CTC1: variants seen among roughly 807,000 people sequenced by gnomAD.
The protein encoded by CTC1 is CST complex subunit CTC1.
Under a neutral mutation model 136.3 loss-of-function variants are expected in CTC1, and 91 were observed. That is an observed-to-expected ratio of 0.67 (90% CI 0.56 to 0.79). The LOEUF (loss-of-function observed/expected upper bound fraction) is 0.79, where lower values mean the gene tolerates loss of function less well. CTC1 is among the 30% of genes least tolerant of loss of function. The pLI, the probability that CTC1 is intolerant of heterozygous loss-of-function variation, is 0.00. For synonymous variants in CTC1, 606 were observed against 613.8 expected (o/e 0.99, Z 0.19); for missense variants, 1,432 against 1,498.1 (o/e 0.96, Z 0.73).
chr17:8,235,780 T>A (rs1352690508), intron 7 of CTC1, 51 bp downstream of exon 7: 2 of 1,536,016 alleles, frequency 1.3e-6, no homozygotes, highest in Admixed American at 4.2e-5. Context: ...CCTATGAAGG[T>A]AAGAGAAGCT....
In CTC1 at chr17:8,235,897, C is replaced by A. The variant is rs201392995; in HGVS notation, c.1140G>T (p.Gly380=). 5.3e-5 allele frequency: 86 copies of A among 1,613,790 alleles called. No individual in the cohort carries two copies. In the African/African-American group the frequency reaches 1.0e-3, roughly 19 times the overall value. ...GGAACTGCTGGTAGGCAAGGCAGAG[C>A]CCCAGCTGCCCATCCAGCTCATAGA... is the stretch of plus-strand genomic sequence containing the variant. The part of the protein sequence containing the change: ...AGLYELDGQL[G]LCLAYQQFRG... Residue 380 remains glycine, a synonymous_variant, in exon 7 of 23, where the codon GGG becomes GGT. Transcript: ENST00000651323.
intron 15 of CTC1, 35 bp from the exon 16 acceptor site, chr17:8,230,686 C>T: frequency 1.9e-6 from 3 of 1,547,612 alleles, no homozygotes; most frequent in Non-Finnish European, 2.7e-6. Context: ...AGAATGGAGG[C>T]ACAAGAAAGC....
At position 8,237,391 on chromosome 17, in the gene CTC1, A is replaced by G. The variant is rs1353037102; in HGVS notation, c.776T>C (p.Val259Ala). ...AGTCCTCACCTGCACGATGATGGAC[A>G]CGTGGGTGACAGCTGGGTGTGATCT... ...LGRSHPAVTH[V>A]SIIVQVPAQL... Residue 259 changes from valine (V) to alanine (A), a missense_variant, in exon 5 of 23, where the codon GTG becomes GCG. By Grantham distance (64) the Val-to-Ala change is moderately conservative (BLOSUM62 0). Coordinates refer to ENST00000651323, the MANE Select transcript of CTC1 (RefSeq NM_025099.6). 1.9e-6 allele frequency: 3 copies of G among 1,614,130 alleles called. No individual in the cohort carries two copies. The highest frequency in any genetic ancestry group is 3.3e-5 in the Admixed American group (2 of 60,002).
At chr17:8,229,007 C>A (rs1986975722) in intron 20 of CTC1, 115 bp from the exon 21 acceptor site, 2 of 1,476,424 alleles carry the variant, frequency 1.4e-6, no homozygotes, top group Non-Finnish European at 1.9e-6. Flanking sequence ...GATTTAGGAG[C>A]TTACCCTCAT....
At chr17:8,229,486 A>G in intron 18 of CTC1, 40 bp from the exon 19 acceptor site, 1 of 1,584,766 alleles carries the variant, frequency 6.3e-7, no homozygotes, top group Admixed American at 1.7e-5. Context: ...GGTCAAGATA[A>G]CAGAACAGGC....
In CTC1 at chr17:8,232,479, G is replaced by A. The variant is rs1987329665; in HGVS notation, c.1946-4C>T. 4 of 1,611,512 alleles carry A rather than the reference G, an allele frequency of 2.5e-6. No homozygotes were observed. The highest frequency in any genetic ancestry group is 2.5e-6 in the Non-Finnish European group (3 of 1,178,564). The stretch of plus-strand genomic sequence containing the variant: ...CTCTCTGCCCGCACCAGGCAGCCTA[G>A]AGGAAGAAAGTTTTCTGTTTTGACA... On this transcript the variant is annotated splice_polypyrimidine_tract_variant and splice_region_variant and intron_variant, in intron 11 of 22. Coordinates refer to ENST00000651323, the MANE Select transcript of CTC1 (RefSeq NM_025099.6).
chr17:8,226,441 G>A lies in CTC1; in HGVS notation c.*1739C>T, dbSNP rs1986676415. ...TCTTGCATCACTTGTCCATTCCTCG[G>A]ATTTCCTTCAATGTCCAAAGACGTT... is the stretch of plus-strand genomic sequence containing the variant. On this transcript the variant is annotated 3_prime_UTR_variant, in exon 23 of 23. Coordinates refer to ENST00000651323, the MANE Select transcript of CTC1 (RefSeq NM_025099.6). 1 of 152,108 alleles carries A rather than the reference G, an allele frequency of 6.6e-6. No individual in the cohort carries two copies. Among genetic ancestry groups the A allele is most frequent in the Non-Finnish European group, 1.5e-5 (1 of 68,030 alleles). The allele number at this position is 152,108 out of a possible 1,614,324, so 9.4% of individuals were successfully genotyped here. A position where few individuals can be genotyped will look rare whatever the true frequency, so the allele number is the denominator to read the frequency against.
chr17:8,247,933 G>T, intron 1 of CTC1, 71 bp downstream of exon 1: 1 of 1,508,596 alleles, frequency 6.6e-7, no homozygotes, highest in Non-Finnish European at 9.1e-7. Context: ...CAAGGCAGAG[G>T]AAATAGGAAG....
intron 2 of CTC1, among the ~76,000 whole-genome samples, chr17:8,242,556 ATATATAT>A (rs1233074401): frequency 0.032 from 2,031 of 63,066 alleles, 68 homozygotes; most frequent in African/African-American, 0.096. Context: ...AAAAAAAAAT[ATATATAT>A]ATATATATAT....
chr17:8,243,997 C>T (rs370303302), intron 1 of CTC1, among the ~76,000 whole-genome samples: 37 of 152,134 alleles, frequency 2.4e-4, no homozygotes, highest in East Asian at 2.1e-3. Context: ...GAGCCTGGGG[C>T]GGTTGAAACT....
chr17:8,238,862 G>A (rs955377392), intron 2 of CTC1, among the ~76,000 whole-genome samples: 66 of 152,172 alleles, frequency 4.3e-4, no homozygotes, highest in African/African-American at 1.4e-3. Flanking sequence ...AGGCCAAGGC[G>A]GGTGGATCAC....
intron 2 of CTC1, among the ~76,000 whole-genome samples, chr17:8,240,998 T>TGC (rs1179827973): frequency 5.7e-4 from 86 of 151,990 alleles, no homozygotes; most frequent in Middle Eastern, 3.4e-3. Flanking sequence ...GATATGCATA[T>TGC]ACACTATGGG....
At position 8,241,906 on chromosome 17, in the gene CTC1, A is replaced by G. The variant is rs375968248; in HGVS notation, c.197+1079T>C. Among the ~76,000 whole-genome samples the G allele has an allele frequency of 2.4e-4, 37 of 151,484 alleles. 1 individual carries two copies. The South Asian group carries it at 6.5e-3, about 26-fold the overall frequency. ...GGGTATTTACATAGGGTACGGTACC[A>G]TTTATTTAAAGTCTACACTTATGCA... On this transcript the variant is annotated intron_variant, in intron 2 of 22. Coordinates refer to ENST00000651323, the MANE Select transcript of CTC1 (RefSeq NM_025099.6).
chr17:8,242,232 C>T (rs1007343316), intron 2 of CTC1, among the ~76,000 whole-genome samples: 1 of 151,846 alleles, frequency 6.6e-6, no homozygotes, highest in Non-Finnish European at 1.5e-5. Flanking sequence ...GGTGTTTCAG[C>T]ATGTTGGGCA....
intron 2 of CTC1, among the ~76,000 whole-genome samples, chr17:8,239,640 T>A (rs1468022612): frequency 6.6e-6 from 1 of 151,922 alleles, no homozygotes; most frequent in Non-Finnish European, 1.5e-5. Flanking sequence ...CAGGCTGGTC[T>A]CAAACTCCTG....
chr17:8,247,369 G>A (rs1408191155), intron 1 of CTC1, among the ~76,000 whole-genome samples: 1 of 142,408 alleles, frequency 7.0e-6, no homozygotes, highest in African/African-American at 2.7e-5. Context: ...GAGTGCTGTG[G>A]CACAATCTCA....
Position 8,244,780 on chromosome 17 carries a change from G to C in CTC1, c.34-1632C>G, listed in dbSNP as rs536159640. 4.6e-5 allele frequency among the ~76,000 whole-genome samples: 7 copies of C among 152,218 alleles called. No individual in the cohort carries two copies. The South Asian group carries it at 1.5e-3, about 32-fold the overall frequency. ...GAACTCAAGTGATCCGCCCGCCTCAGCCTCCCAAAGTGCCAGGATTACACA... is the reference window on the plus strand; with the variant it reads ...GAACTCAAGTGATCCGCCCGCCTCACCCTCCCAAAGTGCCAGGATTACACA... On this transcript the variant is annotated intron_variant, in intron 1 of 22. Coordinates refer to ENST00000651323, the MANE Select transcript of CTC1 (RefSeq NM_025099.6).
intron 2 of CTC1, among the ~76,000 whole-genome samples, chr17:8,238,907 A>G (rs530103763): frequency 2.6e-5 from 4 of 152,172 alleles, no homozygotes; most frequent in Admixed American, 6.5e-5. Flanking sequence ...CCCGGCCAAC[A>G]TGGTGAAACC....
chr17:8,233,253 T>G, intron 10 of CTC1: 2 of 512,414 alleles, frequency 3.9e-6, no homozygotes, highest in Admixed American at 3.4e-5. Context: ...AAATAGAGGT[T>G]ACAGGTAAGA....
Sources: gnomAD v4.1 joint callset for allele counts (sites outside exome capture counted in the v4.1 genomes callset) on GRCh38, gnomAD v4.1.1 for gene constraint, MANE v1.5 for transcripts, NCBI Gene and HGNC (gene_info 2026-07-23, HGNC 2026-07-21) for gene names.